The following CCDC88C variants were observed in gnomAD, a reference collection of about 807,000 sequenced individuals.
CCDC88C encodes the protein protein Daple.
A neutral mutation model predicts 198.8 loss-of-function variants in CCDC88C; 131 were observed. The ratio of observed to expected loss-of-function variants is 0.66; its 90% CI spans 0.57 to 0.76. The LOEUF (loss-of-function observed/expected upper bound fraction) is 0.76, where lower values mean the gene tolerates loss of function less well. Ranked by LOEUF, CCDC88C falls within the 30% of genes least tolerant of loss-of-function variation. The pLI is 0.00. For missense variants in CCDC88C, 2,553 were observed against 2,631.6 expected, an observed-to-expected ratio of 0.97 and a Z score of 0.65; for synonymous variants, 1,166 against 1,114.7, an observed-to-expected ratio of 1.05 and a Z score of -0.92.
At chr14:91,292,981 C>T (rs77812246) in intron 23 of CCDC88C, among the ~76,000 whole-genome samples, 2,068 of 151,788 alleles carry the variant, frequency 0.014, 17 homozygotes, top group Non-Finnish European at 0.02. Context: ...CTCTGGGTGC[C>T]TCCTGCACAT....
chr14:91,374,918 T>C (rs923742836), intron 3 of CCDC88C, among the ~76,000 whole-genome samples: 1 of 152,152 alleles, frequency 6.6e-6, no homozygotes, highest in Non-Finnish European at 1.5e-5. Flanking sequence ...CGGTCAATGG[T>C]GCCTGTCAGA....
intron 20 of CCDC88C, among the ~76,000 whole-genome samples, chr14:91,301,048 C>G (rs1419883922): frequency 6.6e-6 from 1 of 152,214 alleles, no homozygotes; most frequent in East Asian, 1.9e-4. Context: ...TGGAAAAGCA[C>G]ATTAATCAAG....
intron 20 of CCDC88C, among the ~76,000 whole-genome samples, chr14:91,300,814 C>G (rs1158252271): frequency 1.3e-5 from 2 of 152,222 alleles, no homozygotes; most frequent in African/African-American, 4.8e-5. Context: ...CCCTCCCCTT[C>G]CCAGCCTGTT....
chr14:91,355,325 C>T (rs1329638100), intron 4 of CCDC88C, among the ~76,000 whole-genome samples: 3 of 152,166 alleles, frequency 2.0e-5, no homozygotes, highest in African/African-American at 4.8e-5. Context: ...GGACGCTCTA[C>T]GGCACTCAGG....
chr14:91,414,830 C>T (rs1886964062), intron 2 of CCDC88C, among the ~76,000 whole-genome samples: 1 of 152,180 alleles, frequency 6.6e-6, no homozygotes, highest in African/African-American at 2.4e-5. Flanking sequence ...ACAGAGAGAA[C>T]ATCTAAAATT....
intron 3 of CCDC88C, chr14:91,379,660 T>G (rs1884662988): frequency 3.4e-6 from 2 of 589,906 alleles, no homozygotes; most frequent in Non-Finnish European, 6.0e-6. Context: ...CTTCTTCCAC[T>G]CCGCCCCAGC....
At chr14:91,297,868 T>C (rs1658416900) in intron 21 of CCDC88C, among the ~76,000 whole-genome samples, 1 of 152,198 alleles carries the variant, frequency 6.6e-6, no homozygotes, top group Non-Finnish European at 1.5e-5. Context: ...AAAAAATGTT[T>C]AAACCACTAA....
In CCDC88C at chr14:91,287,665, T is replaced by C. The variant is rs1393690523; in HGVS notation, c.4441+1440A>G. 1.6e-5 allele frequency among the ~76,000 whole-genome samples: 2 copies of C among 128,578 alleles called. 1 individual carries two copies. Among genetic ancestry groups the C allele is most frequent in the Non-Finnish European group, 3.2e-5 (2 of 62,246 alleles). The allele number at this position is 128,578 out of a possible 152,430, so 84.4% of individuals were successfully genotyped here. On this transcript the variant is annotated intron_variant, in intron 25 of 29. Coordinates refer to ENST00000389857, the MANE Select transcript of CCDC88C (RefSeq NM_001080414.4). ...TTTTTTTTTTTTTTTTTTTTTTGCA[T>C]CTGAAGGGGACACAACAGGTACTTG...
intron 1 of CCDC88C, chr14:91,417,128 C>A (rs1596182659): frequency 1.4e-6 from 1 of 703,102 alleles, no homozygotes. Flanking sequence ...AAATGTCTCA[C>A]GTCTCAAATC....
Position 91,272,750 on chromosome 14 carries a change from A to C in CCDC88C, c.5962T>G (p.Leu1988Val). ...AGGGCCCGGCCGAGGTGGGGAGCCAAATCGGGAGACCGACCTGGGCTCTTG... is the reference window on the plus strand; with the variant it reads ...AGGGCCCGGCCGAGGTGGGGAGCCACATCGGGAGACCGACCTGGGCTCTTG... Reference protein sequence around the residue: ...PAKSPGRSPDLAPHLGRALED... With the variant: ...PAKSPGRSPDVAPHLGRALED... Residue 1988 changes from leucine to valine, a missense_variant, in exon 30 of 30, where the codon TTG becomes GTG. Physicochemically the swap from Leu to Val is conservative, Grantham distance 32 (BLOSUM62 1). Transcript: ENST00000389857. The C allele has an allele frequency of 6.2e-7, 1 of 1,609,054 alleles. No homozygotes were observed.
intron 20 of CCDC88C, among the ~76,000 whole-genome samples, chr14:91,302,755 G>C (rs556721700): frequency 1.3e-5 from 2 of 152,096 alleles, no homozygotes; most frequent in African/African-American, 2.4e-5. Flanking sequence ...CTATATGTTC[G>C]GAAGTTTCCA....
At chr14:91,348,005 TA>T (rs1344737880) in intron 4 of CCDC88C, among the ~76,000 whole-genome samples, 1 of 152,152 alleles carries the variant, frequency 6.6e-6, no homozygotes, top group Non-Finnish European at 1.5e-5. Context: ...TATGCAGCCA[TA>T]AAAAATGGTG....
intron 3 of CCDC88C, among the ~76,000 whole-genome samples, chr14:91,406,337 T>G (rs12185042): frequency 0.21 from 31,448 of 152,104 alleles, 3,523 homozygotes; most frequent in Non-Finnish European, 0.25. Context: ...ACAAAGACCT[T>G]CAGAAACCTC....
chr14:91,292,695 C>A (rs1487503051), intron 23 of CCDC88C, among the ~76,000 whole-genome samples: 1 of 152,106 alleles, frequency 6.6e-6, no homozygotes, highest in African/African-American at 2.4e-5. Context: ...CACACCAATG[C>A]CTGCCCGGAC....
chr14:91,310,196 A>G (rs1891758049), intron 15 of CCDC88C, among the ~76,000 whole-genome samples: 1 of 151,034 alleles, frequency 6.6e-6, no homozygotes, highest in South Asian at 2.1e-4. Flanking sequence ...AAACAACCAG[A>G]CCAGGTGGCT....
At position 91,416,801 on chromosome 14, in the gene CCDC88C, T is replaced by C. The variant is rs770981514; in HGVS notation, c.98A>G (p.Asp33Gly). 25 of 1,613,590 alleles carry C rather than the reference T, an allele frequency of 1.5e-5. No individual in the cohort carries two copies. The South Asian group carries it at 2.7e-4, about 18-fold the overall frequency. ...TAAATCCATGTACATAGTCAGGTTG[T>C]CCTGGCTGCCGCTTCCAAACGGGCC... ...TFGPFGSGSQ[D>G]NLTMYMDLVD... is the part of the protein sequence containing the mutation. Residue 33 changes from aspartate to glycine, a missense_variant, in exon 2 of 30, where the codon GAC (aspartate) becomes GGC (glycine). Around this residue, in one of 2 missense-constraint regions of CCDC88C, gnomAD observed 1,260 missense variants for 1,412.0 expected, o/e 0.89. Transcript: ENST00000389857.
intron 3 of CCDC88C, among the ~76,000 whole-genome samples, chr14:91,367,920 C>T (rs879336209): frequency 6.6e-6 from 1 of 152,144 alleles, no homozygotes; most frequent in African/African-American, 2.4e-5. Flanking sequence ...TAAAACGCCC[C>T]CTCCTCTAGG....
chr14:91,379,929 G>A (rs1455865454), intron 3 of CCDC88C: 1 of 702,962 alleles, frequency 1.4e-6, no homozygotes, highest in South Asian at 1.5e-5. Context: ...AAAGGCGTTT[G>A]GGGGCTGAAT....
At chr14:91,417,604 A>G (rs1469924860) in intron 1 of CCDC88C, 27 bp downstream of exon 1, 1 of 1,566,972 alleles carries the variant, frequency 6.4e-7, no homozygotes, top group Admixed American at 1.8e-5. Context: ...TGCACCAACA[A>G]AGGGGCGGGG....
Sources: allele counts gnomAD v4.1 joint callset (sites outside exome capture counted in the v4.1 genomes callset), GRCh38; gene constraint gnomAD v4.1.1; regional missense constraint gnomAD v4.1.1; transcripts MANE v1.5; gene names NCBI Gene and HGNC (gene_info 2026-07-23, HGNC 2026-07-21).